The following ARHGAP22 variants were observed in gnomAD, a reference collection of about 807,000 sequenced individuals.
The protein encoded by ARHGAP22 is rho GTPase-activating protein 22.
In ARHGAP22, 48 loss-of-function variants were observed where a neutral mutation model predicts 59.1. The observed-to-expected ratio is 0.81, with a 90% CI of 0.64 to 1.03. ARHGAP22 has a LOEUF of 1.03. Among genes scored for constraint, ARHGAP22 ranks in the 50% least tolerant of loss-of-function variants. The pLI is 0.00. For synonymous variants in ARHGAP22, 445 were observed against 416.4 expected (o/e 1.07, Z -0.84); for missense variants, 1,015 against 958.7 (o/e 1.06, Z -0.78).
intron 9 of ARHGAP22, among the ~76,000 whole-genome samples, chr10:48,449,985 G>T (rs1020182299): frequency 1.3e-5 from 2 of 152,248 alleles, no homozygotes; most frequent in Non-Finnish European, 2.9e-5. Flanking sequence ...CACCCCTGCA[G>T]CAAAGGTCCC....
At chr10:48,579,018 G>A (rs1179063756) in intron 2 of ARHGAP22, among the ~76,000 whole-genome samples, 5 of 151,652 alleles carry the variant, frequency 3.3e-5, no homozygotes, top group Admixed American at 3.3e-4. Context: ...ACCTATTCAT[G>A]TTTATTATGA....
At chr10:48,557,437 T>C (rs2057378680) in intron 2 of ARHGAP22, among the ~76,000 whole-genome samples, 1 of 152,224 alleles carries the variant, frequency 6.6e-6, no homozygotes, top group African/African-American at 2.4e-5. Flanking sequence ...ACTATATTCC[T>C]GGCTCTTTGC....
intron 3 of ARHGAP22, among the ~76,000 whole-genome samples, chr10:48,550,852 C>T (rs955510934): frequency 1.2e-4 from 18 of 152,194 alleles, no homozygotes; most frequent in African/African-American, 4.1e-4. Flanking sequence ...CCCTTTGAGT[C>T]GTTGCTCACT....
chr10:48,625,738 A>ACACC (rs2061428752), intron 1 of ARHGAP22, among the ~76,000 whole-genome samples: 1 of 138,412 alleles, frequency 7.2e-6, no homozygotes, highest in South Asian at 2.3e-4. Context: ...ACACACACAC[A>ACACC]CCTGCTTTGC....
chr10:48,493,751 G>T, intron 3 of ARHGAP22: 1 of 1,031,618 alleles, frequency 9.7e-7, no homozygotes, highest in Non-Finnish European at 1.3e-6. Flanking sequence ...TGGGAGGTCG[G>T]CGTGGTTGTT....
chr10:48,576,036 G>A (rs2058693291), intron 2 of ARHGAP22, among the ~76,000 whole-genome samples: 1 of 152,196 alleles, frequency 6.6e-6, no homozygotes, highest in Non-Finnish European at 1.5e-5. Flanking sequence ...CCCACGAAGT[G>A]AGGACCTAGA....
At chr10:48,472,592 G>A (rs1029154411) in intron 4 of ARHGAP22, among the ~76,000 whole-genome samples, 2 of 152,106 alleles carry the variant, frequency 1.3e-5, no homozygotes, top group Non-Finnish European at 2.9e-5. Flanking sequence ...AAGGGGCCCA[G>A]GAAGCCTCTA....
At chr10:48,483,020 T>C (rs928443181) in intron 3 of ARHGAP22, among the ~76,000 whole-genome samples, 1 of 152,094 alleles carries the variant, frequency 6.6e-6, no homozygotes, top group Non-Finnish European at 1.5e-5. Context: ...TACATATAAG[T>C]GAGAACATGC....
chr10:48,514,765 T>C (rs901918472), intron 3 of ARHGAP22, among the ~76,000 whole-genome samples: 1 of 152,180 alleles, frequency 6.6e-6, no homozygotes, highest in Non-Finnish European at 1.5e-5. Flanking sequence ...CAGTAATTCA[T>C]AAAGATATAG....
At chr10:48,612,393 CA>C (rs1018743746) in intron 1 of ARHGAP22, among the ~76,000 whole-genome samples, 1 of 152,214 alleles carries the variant, frequency 6.6e-6, no homozygotes, top group African/African-American at 2.4e-5. Context: ...TGGATGTGGT[CA>C]TGTGGCTGAG....
At chr10:48,578,396 C>T (rs896954201) in intron 2 of ARHGAP22, among the ~76,000 whole-genome samples, 1 of 152,014 alleles carries the variant, frequency 6.6e-6, no homozygotes, top group Non-Finnish European at 1.5e-5. Context: ...TAAAAACATC[C>T]TCTAGTGCTG....
rs571171069 is a variant in ARHGAP22 at position 48,564,604 on chromosome 10, C to T, written c.235-9054G>A. Among the ~76,000 whole-genome samples, 18 of 152,264 alleles carry T rather than the reference C, an allele frequency of 1.2e-4. No homozygotes were observed. In the South Asian group the frequency reaches 2.3e-3, roughly 19 times the overall value. On this transcript the variant is annotated intron_variant, in intron 2 of 9. Coordinates refer to ENST00000249601, the MANE Select transcript of ARHGAP22 (RefSeq NM_021226.4). Reference sequence around the variant, plus strand: ...AGTCAGCTAATTCATGCAGCACTGCCCATGCCCTACTCACGGGCTGCTGCC... The same window carrying T: ...AGTCAGCTAATTCATGCAGCACTGCTCATGCCCTACTCACGGGCTGCTGCC...
At chr10:48,540,987 T>C (rs904547884) in intron 3 of ARHGAP22, among the ~76,000 whole-genome samples, 1 of 151,962 alleles carries the variant, frequency 6.6e-6, no homozygotes, top group Non-Finnish European at 1.5e-5. Flanking sequence ...GCTTCTCCAA[T>C]TTTAAGATGC....
intron 3 of ARHGAP22, among the ~76,000 whole-genome samples, chr10:48,547,700 C>T (rs553855016): frequency 3.0e-4 from 46 of 152,334 alleles, no homozygotes; most frequent in Admixed American, 1.2e-3. Context: ...ACGTCTTCCT[C>T]GGGCTAATCC....
chr10:48,456,367 T>G (rs968792188), intron 5 of ARHGAP22, among the ~76,000 whole-genome samples: 1 of 152,164 alleles, frequency 6.6e-6, no homozygotes, highest in African/African-American at 2.4e-5. Flanking sequence ...CCTCCTTGCC[T>G]GAGGCTCAGT....
Position 48,604,942 on chromosome 10 carries a change from T to C in ARHGAP22, c.-146A>G, listed in dbSNP as rs2060600928. 1 of 1,541,246 alleles carries C rather than the reference T, an allele frequency of 6.5e-7. No homozygotes were observed. The highest frequency in any genetic ancestry group is 1.4e-5 in the African/African-American group (1 of 72,820). On this transcript the variant is annotated 5_prime_UTR_variant, in exon 1 of 10. Transcript: ENST00000249601. ...GCGTCACCCGTCAGGCTCCCTCGGC[T>C]ACCTCTCCTGGCTCCGGACGGACGG...
chr10:48,467,650 A>T (rs1392826438), intron 4 of ARHGAP22, among the ~76,000 whole-genome samples: 1 of 152,186 alleles, frequency 6.6e-6, no homozygotes, highest in Non-Finnish European at 1.5e-5. Context: ...TTCTTTCTTT[A>T]TTGAATATTA....
intron 3 of ARHGAP22, among the ~76,000 whole-genome samples, chr10:48,551,016 G>A (rs1343118233): frequency 6.6e-6 from 1 of 152,178 alleles, no homozygotes; most frequent in African/African-American, 2.4e-5. Flanking sequence ...ACGGACTGGG[G>A]TGTGCTGGCA....
intron 3 of ARHGAP22, among the ~76,000 whole-genome samples, chr10:48,485,918 C>G (rs2049813186): frequency 6.6e-6 from 1 of 152,044 alleles, no homozygotes; most frequent in South Asian, 2.1e-4. Flanking sequence ...ATAGTTGGGT[C>G]CTGCTTTTTA....
Sources: allele counts gnomAD v4.1 joint callset (sites outside exome capture counted in the v4.1 genomes callset), GRCh38; gene constraint gnomAD v4.1.1; transcripts MANE v1.5; gene names NCBI Gene and HGNC (gene_info 2026-07-23, HGNC 2026-07-21).